The following LOC400499 variants were observed in gnomAD, a reference collection of about 807,000 sequenced individuals.
At chr16:11,461,180 C>G in the LOC400499 span, 1 of 1,476,118 alleles carries the variant, frequency 6.8e-7, no homozygotes. Context: ...CACCCCCATC[C>G]CCAGGCAAAG....
the LOC400499 span, chr16:11,484,772 G>C: frequency 2.5e-6 from 1 of 397,748 alleles, no homozygotes; most frequent in Non-Finnish European, 4.4e-6. Context: ...GCAAGGAGGA[G>C]GCAGAGTCAG....
At chr16:11,509,523 T>G in the LOC400499 span, among the ~76,000 whole-genome samples, 3 of 151,286 alleles carry the variant, frequency 2.0e-5, no homozygotes, top group African/African-American at 4.9e-5. Context: ...CAATGTATGG[T>G]GCAAAAATAA....
chr16:11,504,095 G>A, the LOC400499 span, among the ~76,000 whole-genome samples: 1 of 152,206 alleles, frequency 6.6e-6, no homozygotes, highest in Non-Finnish European at 1.5e-5. Context: ...CTGGCCACAA[G>A]TGTTACCCTG....
the LOC400499 span, among the ~76,000 whole-genome samples, chr16:11,411,048 GGCT>G: frequency 6.6e-6 from 1 of 152,262 alleles, no homozygotes; most frequent in African/African-American, 2.4e-5. Context: ...GGGCCACGGG[GGCT>G]GGCCCAGGAA....
the LOC400499 span, among the ~76,000 whole-genome samples, chr16:11,511,930 A>G: frequency 1.3e-5 from 2 of 151,772 alleles, no homozygotes; most frequent in African/African-American, 4.8e-5. Context: ...CACTGGGGGA[A>G]CCCCTTGACC....
At chr16:11,390,038 A>G in the LOC400499 span, 1 of 1,055,770 alleles carries the variant, frequency 9.5e-7, no homozygotes, top group Non-Finnish European at 1.2e-6. Flanking sequence ...AAGGTGTCAA[A>G]GCATTCAGCA....
chr16:11,474,901 C>T, the LOC400499 span, among the ~76,000 whole-genome samples: 61 of 152,174 alleles, frequency 4.0e-4, no homozygotes, highest in African/African-American at 1.4e-3. Flanking sequence ...GATCCCAATT[C>T]GCTATGCCAA....
At chr16:11,470,038 G>A in the LOC400499 span, among the ~76,000 whole-genome samples, 2 of 152,298 alleles carry the variant, frequency 1.3e-5, no homozygotes, top group Non-Finnish European at 2.9e-5. Context: ...GAGCAGCTGG[G>A]ATTACAGGCA....
At chr16:11,409,181 A>C in the LOC400499 span, among the ~76,000 whole-genome samples, 2 of 152,126 alleles carry the variant, frequency 1.3e-5, no homozygotes, top group African/African-American at 4.8e-5. Flanking sequence ...GAATTGCATA[A>C]GCCCAGGTGG....
the LOC400499 span, among the ~76,000 whole-genome samples, chr16:11,464,887 G>T: frequency 3.9e-5 from 6 of 152,354 alleles, no homozygotes; most frequent in African/African-American, 1.4e-4. Context: ...AGGGCCCCTG[G>T]GAATTCTGAA....
chr16:11,427,350 C>CAAA, the LOC400499 span, among the ~76,000 whole-genome samples: 5 of 38,840 alleles, frequency 1.3e-4, no homozygotes, highest in East Asian at 6.2e-4. Context: ...CTCCATCTCA[C>CAAA]AAAAAAAAAA....
the LOC400499 span, chr16:11,399,826 A>T: frequency 2.5e-6 from 1 of 398,668 alleles, no homozygotes; most frequent in African/African-American, 2.1e-5. Context: ...CTGCATTGGG[A>T]TGGGAGGGCA....
chr16:11,457,752 A>T, the LOC400499 span, among the ~76,000 whole-genome samples: 3 of 152,200 alleles, frequency 2.0e-5, no homozygotes, highest in African/African-American at 7.2e-5. Flanking sequence ...ATAGCCAAAA[A>T]ATGGAAGCAA....
At chr16:11,447,110 G>T in the LOC400499 span, among the ~76,000 whole-genome samples, 5 of 152,268 alleles carry the variant, frequency 3.3e-5, no homozygotes, top group South Asian at 1.0e-3. Flanking sequence ...ACCTCACTGT[G>T]CCAGAGAAGT....
the LOC400499 span, chr16:11,423,287 G>C: frequency 2.5e-6 from 1 of 399,160 alleles, no homozygotes; most frequent in Non-Finnish European, 4.4e-6. Flanking sequence ...GAAGGGGCTG[G>C]CTTCTTCCCT....
At chr16:11,504,606 C>G in the LOC400499 span, among the ~76,000 whole-genome samples, 3 of 151,884 alleles carry the variant, frequency 2.0e-5, no homozygotes, top group Non-Finnish European at 4.4e-5. Flanking sequence ...ACTGCCATCC[C>G]CATCACCACC....
At chr16:11,512,027 G>A in the LOC400499 span, among the ~76,000 whole-genome samples, 1 of 151,554 alleles carries the variant, frequency 6.6e-6, no homozygotes, top group South Asian at 2.1e-4. Context: ...GGTGGCTCAT[G>A]TTTGTAATCC....
the LOC400499 span, among the ~76,000 whole-genome samples, chr16:11,481,747 C>G: frequency 6.6e-6 from 1 of 152,140 alleles, no homozygotes; most frequent in South Asian, 2.1e-4. Context: ...ATTCTCCTGC[C>G]TCAGCCTCCA....
At chr16:11,429,597 C>T in the LOC400499 span, among the ~76,000 whole-genome samples, 6 of 152,274 alleles carry the variant, frequency 3.9e-5, no homozygotes, top group African/African-American at 1.4e-4. Flanking sequence ...CCTCAGCCTC[C>T]TGAGTAGCTG....
Sources: allele counts gnomAD v4.1 joint callset (sites outside exome capture counted in the v4.1 genomes callset), GRCh38; gene constraint gnomAD v4.1.1; transcripts MANE v1.5.